PHF21B: variants seen among roughly 807,000 people sequenced by gnomAD.
The protein encoded by PHF21B is PHD finger protein 21B, also known as PHD finger protein 4.
Under a neutral mutation model 62.2 loss-of-function variants are expected in PHF21B, and 22 were observed. The observed-to-expected ratio is 0.35, with a 90% CI of 0.25 to 0.51. PHF21B has a LOEUF of 0.51. PHF21B is among the 20% of genes least tolerant of loss of function. The pLI is 0.97. For synonymous variants in PHF21B, 341 were observed against 314.7 expected (o/e 1.08, Z -0.88); for missense variants, 701 against 707.9 (o/e 0.99, Z 0.11).
chr22:44,921,365 T>C (rs2071532504), intron 2 of PHF21B, among the ~76,000 whole-genome samples: 1 of 152,062 alleles, frequency 6.6e-6, no homozygotes, highest in East Asian at 1.9e-4. Context: ...AGTTCTTTTT[T>C]TTTTTCTTTT....
intron 2 of PHF21B, among the ~76,000 whole-genome samples, chr22:45,003,843 A>G (rs929047677): frequency 3.9e-5 from 6 of 152,222 alleles, no homozygotes; most frequent in African/African-American, 1.4e-4. Flanking sequence ...ACGTGCTACA[A>G]CTTGCATGGA....
chr22:45,006,376 C>T (rs2073314244), intron 2 of PHF21B, among the ~76,000 whole-genome samples: 1 of 152,202 alleles, frequency 6.6e-6, no homozygotes, highest in Admixed American at 6.5e-5. Flanking sequence ...TTTAAACACA[C>T]ACTCACACAC....
At chr22:44,921,494 G>A (rs987175683) in intron 2 of PHF21B, among the ~76,000 whole-genome samples, 2 of 151,742 alleles carry the variant, frequency 1.3e-5, no homozygotes, top group Non-Finnish European at 2.9e-5. Flanking sequence ...AGCCTCCCGA[G>A]TAGCTGGAAC....
At position 44,991,187 on chromosome 22, in the gene PHF21B, A is replaced by G. The variant is rs764557040; in HGVS notation, c.120+17358T>C. 2.0e-5 allele frequency among the ~76,000 whole-genome samples: 3 copies of G among 152,184 alleles called. No homozygotes were observed. In the East Asian group the frequency reaches 5.8e-4, roughly 29 times the overall value. ...ATTTTAGCATTTGTGCACCAAGGGG[A>G]TTAAGTTCAAATGAGGAAACCCTCC... On this transcript the variant is annotated intron_variant, in intron 2 of 12. Transcript: ENST00000313237.
chr22:44,980,470 G>A (rs550705022), intron 2 of PHF21B, among the ~76,000 whole-genome samples: 1 of 152,326 alleles, frequency 6.6e-6, no homozygotes, highest in East Asian at 1.9e-4. Context: ...GACCTTGGAG[G>A]CCCAGGGATG....
chr22:45,008,905 A>AGT, intron 1 of PHF21B: 1 of 1,123,494 alleles, frequency 8.9e-7, no homozygotes, highest in Non-Finnish European at 1.1e-6. Context: ...TGTGCGAGTG[A>AGT]GTGTGAGTGT....
chr22:44,891,315 T>C lies in PHF21B; in HGVS notation c.1006A>G (p.Thr336Ala). Reference protein sequence around the residue: ...SNYLNNPLFLTARANEDPCWK... With the variant: ...SNYLNNPLFLAARANEDPCWK... Reference sequence around the variant, plus strand: ...TGAAGCCGGTGCTTACCTCTCGCTGTGAGGAACAGGGGGTTGTTGAGATAG... The same window carrying C: ...TGAAGCCGGTGCTTACCTCTCGCTGCGAGGAACAGGGGGTTGTTGAGATAG... Residue 336 changes from threonine (T) to alanine (A), a missense_variant, in exon 8 of 13, where the codon ACA (threonine) becomes GCA (alanine). By Grantham distance (58) the Thr-to-Ala change is moderately conservative. Coordinates refer to ENST00000313237, the MANE Select transcript of PHF21B (RefSeq NM_138415.5). 6.2e-7 allele frequency: 1 copy of C among 1,613,942 alleles called. No homozygotes were observed. The highest frequency in any genetic ancestry group is 1.7e-5 in the Admixed American group (1 of 59,996).
In PHF21B at chr22:44,896,040, T is replaced by C. The variant is rs763583856; in HGVS notation, c.875A>G (p.His292Arg). The change falls in exon 6 of 13, where the codon CAT becomes CGT. Residue 292 changes from histidine (H) to arginine (R), a missense_variant. Coordinates refer to ENST00000313237, the MANE Select transcript of PHF21B (RefSeq NM_138415.5). ...MVALGLVTTE[H>R]LEEIQSKRQE... Reference sequence around the variant, plus strand: ...CCTGGATCCTTCCTTACCTTCCAAATGTTCCGTGGTAACCAGGCCTAGCGC... The same window carrying C: ...CCTGGATCCTTCCTTACCTTCCAAACGTTCCGTGGTAACCAGGCCTAGCGC... The C allele has an allele frequency of 6.2e-6, 10 of 1,614,058 alleles. No individual in the cohort carries two copies. Among genetic ancestry groups the C allele is most frequent in the Middle Eastern group, 1.6e-4 (1 of 6,084 alleles).
At chr22:44,987,778 CT>C (rs2072978049) in intron 2 of PHF21B, among the ~76,000 whole-genome samples, 13 of 151,988 alleles carry the variant, frequency 8.6e-5, no homozygotes, top group Non-Finnish European at 1.6e-4. Flanking sequence ...CTCTCTCTCT[CT>C]CTCTCTCTCC....
chr22:44,963,399 ATTTTG>A (rs2072463439), intron 2 of PHF21B, among the ~76,000 whole-genome samples: 1 of 152,046 alleles, frequency 6.6e-6, no homozygotes, highest in Non-Finnish European at 1.5e-5. Flanking sequence ...ACTGTTAAGG[ATTTTG>A]TTTTTTTACC....
chr22:44,925,287 C>A (rs951450278), intron 2 of PHF21B, among the ~76,000 whole-genome samples: 2 of 152,208 alleles, frequency 1.3e-5, no homozygotes, highest in African/African-American at 4.8e-5. Context: ...CATTGTGTAT[C>A]ACTTATACCT....
intron 2 of PHF21B, among the ~76,000 whole-genome samples, chr22:44,944,455 C>T (rs1471578025): frequency 6.6e-6 from 1 of 152,128 alleles, no homozygotes; most frequent in African/African-American, 2.4e-5. Flanking sequence ...TGGGAGCTAT[C>T]GAGACTTAAT....
At chr22:45,007,289 A>G (rs1330229707) in intron 2 of PHF21B, among the ~76,000 whole-genome samples, 7 of 151,442 alleles carry the variant, frequency 4.6e-5, no homozygotes, top group Non-Finnish European at 1.0e-4. Flanking sequence ...AAGACTCGAC[A>G]CGAACGCCCG....
intron 2 of PHF21B, among the ~76,000 whole-genome samples, chr22:44,947,166 T>C (rs768713747): frequency 1.3e-5 from 2 of 152,180 alleles, no homozygotes; most frequent in African/African-American, 2.4e-5. Context: ...GGCTGAGCTG[T>C]CCCAGTCCCC....
intron 8 of PHF21B, among the ~76,000 whole-genome samples, chr22:44,890,095 G>C (rs1448481854): frequency 6.6e-6 from 1 of 151,886 alleles, no homozygotes; most frequent in Non-Finnish European, 1.5e-5. Context: ...CCCAGGGCAT[G>C]ATGGGAATAT....
intron 7 of PHF21B, 94 bp from the exon 8 acceptor site, chr22:44,891,454 G>A (rs1167817327): frequency 4.2e-5 from 61 of 1,464,564 alleles, no homozygotes; most frequent in Non-Finnish European, 5.7e-5. Flanking sequence ...TCTGGGACAG[G>A]GTTCCCACCC....
intron 2 of PHF21B, among the ~76,000 whole-genome samples, chr22:44,956,243 G>C (rs1473223347): frequency 1.3e-5 from 2 of 152,214 alleles, no homozygotes; most frequent in East Asian, 3.9e-4. Context: ...TTGCCTGGGG[G>C]AGAAGCTGAG....
At chr22:44,996,138 T>C (rs557174210) in intron 2 of PHF21B, among the ~76,000 whole-genome samples, 1 of 152,294 alleles carries the variant, frequency 6.6e-6, no homozygotes, top group East Asian at 1.9e-4. Flanking sequence ...TGGGCCATGC[T>C]GCCCCCAGCT....
intron 2 of PHF21B, among the ~76,000 whole-genome samples, chr22:44,958,598 ATTTTT>A (rs59943293): frequency 4.3e-4 from 33 of 75,900 alleles, no homozygotes; most frequent in Admixed American, 2.0e-3. Flanking sequence ...CCTTCCTTTG[ATTTTT>A]TTTTTTTTTT....
Sources: gnomAD v4.1 joint callset for allele counts (sites outside exome capture counted in the v4.1 genomes callset) on GRCh38, gnomAD v4.1.1 for gene constraint, MANE v1.5 for transcripts, NCBI Gene and HGNC (gene_info 2026-07-23, HGNC 2026-07-21) for gene names.